Variants in SORCS1 observed in about 807,000 individuals in gnomAD.
SORCS1 encodes sortilin related VPS10 domain containing receptor 1.
SORCS1 carries 60 observed loss-of-function variants against 146.1 expected under a neutral mutation model. That is an observed-to-expected ratio of 0.41 (90% CI 0.33 to 0.51). The LOEUF is 0.51. SORCS1 is among the 20% of genes least tolerant of loss of function. The probability of loss-of-function intolerance (pLI) is 0.21; values close to 1 mark genes in which losing one functional copy is unlikely to be tolerated. For missense variants in SORCS1, 1,352 were observed against 1,487.6 expected, an observed-to-expected ratio of 0.91 and a Z score of 1.50; for synonymous variants, 637 against 584.0, an observed-to-expected ratio of 1.09 and a Z score of -1.31.
At chr10:106,947,082 C>T (rs1272014837) in intron 2 of SORCS1, among the ~76,000 whole-genome samples, 1 of 152,092 alleles carries the variant, frequency 6.6e-6, no homozygotes, top group Non-Finnish European at 1.5e-5. Flanking sequence ...GGAAAATACC[C>T]ATTAAAATAC....
chr10:106,975,890 GTAATCCCAGCACTTT>G (rs1654185022), intron 1 of SORCS1, among the ~76,000 whole-genome samples: 2 of 152,136 alleles, frequency 1.3e-5, no homozygotes, highest in African/African-American at 4.8e-5. Flanking sequence ...GCTCACACCT[GTAATCCCAGCACTTT>G]GGGAGGCCGA....
intron 23 of SORCS1, among the ~76,000 whole-genome samples, 186 bp from the exon 24 acceptor site, chr10:106,597,636 T>C (rs1267876660): frequency 6.6e-6 from 1 of 152,236 alleles, no homozygotes. Context: ...AAGCATGACC[T>C]GTCTTTACGT....
chr10:106,890,042 G>C (rs1441767869), intron 2 of SORCS1, among the ~76,000 whole-genome samples: 1 of 152,014 alleles, frequency 6.6e-6, no homozygotes, highest in Non-Finnish European at 1.5e-5. Flanking sequence ...TAAATTATCT[G>C]GGGTTTTTGT....
intron 24 of SORCS1, among the ~76,000 whole-genome samples, chr10:106,594,192 T>A (rs1347834360): frequency 6.6e-6 from 1 of 152,230 alleles, no homozygotes; most frequent in Non-Finnish European, 1.5e-5. Context: ...TTCAGCTTGG[T>A]CCCAGCTCTA....
chr10:106,812,564 T>G (rs980231672), intron 3 of SORCS1, among the ~76,000 whole-genome samples: 7 of 152,230 alleles, frequency 4.6e-5, no homozygotes, highest in Non-Finnish European at 1.0e-4. Context: ...TCTTTATATC[T>G]TTCCCTGTGG....
intron 1 of SORCS1, among the ~76,000 whole-genome samples, chr10:107,043,795 T>G (rs1959193122): frequency 6.6e-6 from 1 of 152,182 alleles, no homozygotes; most frequent in Non-Finnish European, 1.5e-5. Context: ...ATTTCATGAT[T>G]AATGCCTGTC....
At chr10:107,135,951 T>C (rs960203823) in intron 1 of SORCS1, among the ~76,000 whole-genome samples, 2 of 152,200 alleles carry the variant, frequency 1.3e-5, no homozygotes, top group African/African-American at 4.8e-5. Context: ...ATATTACATA[T>C]GGTTGTTATA....
chr10:107,040,101 T>C (rs1353758291), intron 1 of SORCS1, among the ~76,000 whole-genome samples: 1 of 152,148 alleles, frequency 6.6e-6, no homozygotes, highest in Non-Finnish European at 1.5e-5. Flanking sequence ...AGTAAGACAG[T>C]GGCAAAGTGA....
Position 106,667,730 on chromosome 10 carries a change from T to C in SORCS1, c.2262A>G (p.Ser754=), listed in dbSNP as rs1410420401. ...AACTCTGTCCCAAGCTGCAATCCTT[T>C]GACAGAGAGGATGGATTGAACCAAA... ...PAFWFNPSSL[S]KDCSLGQSYL... Residue 754 remains serine (S), a synonymous_variant, in exon 17 of 26, where the codon TCA becomes TCG. Transcript: ENST00000263054. 6.2e-7 allele frequency: 1 copy of C among 1,614,104 alleles called. No homozygotes were observed. The highest frequency in any genetic ancestry group is 8.5e-7 in the Non-Finnish European group (1 of 1,179,988).
intron 1 of SORCS1, among the ~76,000 whole-genome samples, chr10:107,079,400 A>G (rs987495038): frequency 1.3e-5 from 2 of 152,194 alleles, no homozygotes; most frequent in African/African-American, 4.8e-5. Flanking sequence ...ACACATATTT[A>G]AAATGGCCAC....
chr10:107,036,788 C>A (rs1449958402), intron 1 of SORCS1, among the ~76,000 whole-genome samples: 1 of 152,194 alleles, frequency 6.6e-6, no homozygotes, highest in East Asian at 1.9e-4. Flanking sequence ...GTACCCAGAC[C>A]ACCACCCAAC....
At chr10:106,941,206 T>C (rs548067071) in intron 2 of SORCS1, among the ~76,000 whole-genome samples, 33 of 152,322 alleles carry the variant, frequency 2.2e-4, no homozygotes, top group African/African-American at 7.7e-4. Flanking sequence ...TATTATTTTG[T>C]AGGCAAATTG....
At chr10:107,107,744 A>C (rs1361590466) in intron 1 of SORCS1, among the ~76,000 whole-genome samples, 1 of 152,240 alleles carries the variant, frequency 6.6e-6, no homozygotes, top group Non-Finnish European at 1.5e-5. Context: ...ACTCATGCCC[A>C]GATGGCAGAC....
intron 3 of SORCS1, among the ~76,000 whole-genome samples, chr10:106,792,955 A>G (rs1345548892): frequency 6.6e-6 from 1 of 152,232 alleles, no homozygotes; most frequent in African/African-American, 2.4e-5. Flanking sequence ...GGATGAGCAG[A>G]TGTTCATCAT....
chr10:106,584,282 A>G (rs578093067), intron 24 of SORCS1, among the ~76,000 whole-genome samples: 141 of 152,256 alleles, frequency 9.3e-4, no homozygotes, highest in African/African-American at 3.3e-3. Context: ...AACAAATCCA[A>G]TCATCAGAGT....
At chr10:106,699,522 T>C in intron 8 of SORCS1, 129 bp from the exon 9 acceptor site, 1 of 714,944 alleles carries the variant, frequency 1.4e-6, no homozygotes, top group Non-Finnish European at 2.2e-6. Flanking sequence ...AGCTTCCTTT[T>C]GCATATATAA....
rs925869248 is a variant in SORCS1, at chr10:106,960,551, C to T, written c.559-3971G>A. On this transcript the variant is annotated intron_variant, in intron 1 of 25. Coordinates refer to ENST00000263054, the MANE Select transcript of SORCS1 (RefSeq NM_052918.5). This position sits in a 1 kb window ranked among gnomAD's most constrained non-coding sequence, Gnocchi z 4.4. ...TCCCGAGTAGCTGAGACTACAGGTGCGCCACCACACCCAGCTAATTTTTGT... is the reference window on the plus strand; with the variant it reads ...TCCCGAGTAGCTGAGACTACAGGTGTGCCACCACACCCAGCTAATTTTTGT... Among the ~76,000 whole-genome samples the T allele has an allele frequency of 2.6e-5, 4 of 151,898 alleles. No individual in the cohort carries two copies. Among genetic ancestry groups the T allele is most frequent in the Admixed American group, 2.6e-4 (4 of 15,234 alleles).
chr10:106,929,672 A>C (rs540837998), intron 2 of SORCS1, among the ~76,000 whole-genome samples: 1 of 152,266 alleles, frequency 6.6e-6, no homozygotes, highest in African/African-American at 2.4e-5. Flanking sequence ...AACTTCGTCA[A>C]CTTAAGCTGC....
intron 1 of SORCS1, among the ~76,000 whole-genome samples, chr10:107,142,468 T>C (rs1037795256): frequency 3.9e-5 from 6 of 152,226 alleles, no homozygotes; most frequent in South Asian, 2.1e-4. Context: ...GTGTTAGGCA[T>C]AGTGATGAAG....
Sources: allele counts gnomAD v4.1 joint callset (sites outside exome capture counted in the v4.1 genomes callset), GRCh38; gene constraint gnomAD v4.1.1; non-coding constraint Gnocchi (gnomAD v3.1); transcripts MANE v1.5; gene names NCBI Gene and HGNC (gene_info 2026-07-23, HGNC 2026-07-21).